Variants in MAN2C1 observed in about 807,000 individuals in gnomAD.
MAN2C1 encodes alpha-mannosidase 2C1.
A neutral mutation model predicts 126.9 loss-of-function variants in MAN2C1; 111 were observed. That is an observed-to-expected ratio of 0.87 (90% CI 0.75 to 1.02). The LOEUF (loss-of-function observed/expected upper bound fraction) is 1.02, where lower values mean the gene tolerates loss of function less well. Ranked by LOEUF, MAN2C1 falls within the 50% of genes least tolerant of loss-of-function variation. The probability of loss-of-function intolerance (pLI) is 0.00; values close to 1 mark genes in which losing one functional copy is unlikely to be tolerated. For synonymous variants in MAN2C1, 567 were observed against 561.5 expected, an observed-to-expected ratio of 1.01 and a Z score of -0.14; for missense variants, 1,363 against 1,364.4, an observed-to-expected ratio of 1.00 and a Z score of 0.02.
intron 2 of MAN2C1, 130 bp downstream of exon 2, chr15:75,367,943 C>G: frequency 8.0e-7 from 1 of 1,244,524 alleles, no homozygotes; most frequent in Non-Finnish European, 1.1e-6. Flanking sequence ...GGTGCTGCTC[C>G]CAGCAGAGGG....
chr15:75,360,125 G>A lies in MAN2C1; in HGVS notation c.1671C>T (p.Phe557=). 6.2e-7 allele frequency: 1 copy of A among 1,613,934 alleles called. No individual in the cohort carries two copies. Among genetic ancestry groups the A allele is most frequent in the Non-Finnish European group, 8.5e-7 (1 of 1,180,020 alleles). ...SSLALARSAQ[F]LYPAAQLQHL... is the part of the protein sequence containing the mutation. Reference sequence around the variant, plus strand: ...GCTGCAGCTGGGCTGCTGGGTATAGGAACTGGGCACTGCGGGCCAGGGCCA... The same window carrying A: ...GCTGCAGCTGGGCTGCTGGGTATAGAAACTGGGCACTGCGGGCCAGGGCCA... The change falls in exon 14 of 26, where the codon TTC becomes TTT. Residue 557 remains phenylalanine, a synonymous_variant. Transcript: ENST00000267978.
At position 75,358,671 on chromosome 15, in the gene MAN2C1, C is replaced by T. The variant is rs73436829; in HGVS notation, c.2246+33G>A. The stretch of plus-strand genomic sequence containing the variant: ...CCAGAGCAGCCTGTGTTCCCACCAC[C>T]TCCACCATCCCCACATGCTGCCCAG... On this transcript the variant is annotated intron_variant, in intron 19 of 25. Transcript: ENST00000267978. The T allele has an allele frequency of 1.2e-3, 1,929 of 1,612,696 alleles. 18 individuals are homozygous for T. In the African/African-American group the frequency reaches 0.021, roughly 18 times the overall value.
chr15:75,355,930 G>A lies in MAN2C1; in HGVS notation c.3099C>T (p.Leu1033=), dbSNP rs756309307. 31 of 1,614,026 alleles carry A rather than the reference G, an allele frequency of 1.9e-5. No individual in the cohort carries two copies. In the South Asian group the frequency reaches 2.3e-4, roughly 12 times the overall value. ...CTCAGTGTGGCGGAGGCTGAAGCAC[G>A]AGCAACAGGGACAGCACTTGGAAGG... ...FSPFQVLSLL[L]VLQPPPH is the part of the protein sequence containing the mutation. The change falls in exon 26 of 26, where the codon CTC becomes CTT. Residue 1033 remains leucine, a synonymous_variant. Transcript: ENST00000267978.
Position 75,356,664 on chromosome 15 carries a change from CGG to C in MAN2C1, c.2677_2678del (p.Pro893GlyfsTer5). On this transcript the variant is annotated frameshift_variant, in exon 23 of 26. Transcript: ENST00000267978. LOFTEE classifies it high-confidence loss of function. The surrounding 1 kb of genome is among the most constrained non-coding windows in gnomAD (Gnocchi z 5.8). ...SLSLLRAPKA[P>X]DATADTGRHE... is the part of the protein sequence containing the mutation. The stretch of plus-strand genomic sequence containing the variant: ...GGCGCCCCGTGTCAGCAGTAGCGTC[CGG>C]GGCTTTAGGCGCCCGCAAGCTGGGG... 1 of 1,585,608 alleles carries C rather than the reference CGG, an allele frequency of 6.3e-7. No individual in the cohort carries two copies. Among genetic ancestry groups the C allele is most frequent in the Non-Finnish European group, 8.6e-7 (1 of 1,166,374 alleles).
In MAN2C1 at chr15:75,361,146, G is replaced by A; in HGVS notation, c.1360C>T (p.His454Tyr). 6.2e-7 allele frequency: 1 copy of A among 1,613,396 alleles called. No homozygotes were observed. Among genetic ancestry groups the A allele is most frequent in the Admixed American group, 1.7e-5 (1 of 59,920 alleles). ...ANNRDKGRAN[H>Y]SAFLFGFGDG... is the part of the protein sequence containing the mutation. ...CCAAAGCCAAAGAGGAAGGCACTGT[G>A]GTTGGCCCGCCCCTTGTCCCGGTTG... The change falls in exon 12 of 26, where the codon CAC (histidine) becomes TAC (tyrosine). Residue 454 changes from histidine (H) to tyrosine (Y), a missense_variant. His to Tyr is a moderately conservative substitution (Grantham distance 83, BLOSUM62 2). This residue lies in a region of MAN2C1 where 628 missense variants were observed against 609.8 expected (regional missense o/e 1.03). Transcript: ENST00000267978. This position sits in a 1 kb window ranked among gnomAD's most constrained non-coding sequence, Gnocchi z 5.0.
rs1218914016 is a variant in MAN2C1, at chr15:75,367,508, C to T, written c.351+3G>A. 6.2e-7 allele frequency: 1 copy of T among 1,613,756 alleles called. No individual in the cohort carries two copies. The highest frequency in any genetic ancestry group is 2.2e-5 in the East Asian group (1 of 44,878). On this transcript the variant is annotated splice_donor_region_variant and intron_variant, in intron 3 of 25. Transcript: ENST00000267978. ...TACCTGGCCCTAGGACAGGGTTCCT[C>T]ACCTGGACAGGTTCTCCATCACGCC...
chr15:75,358,238 G>A lies in MAN2C1; in HGVS notation c.2510C>T (p.Thr837Ile). 1 of 1,614,202 alleles carries A rather than the reference G, an allele frequency of 6.2e-7. No individual in the cohort carries two copies. Among genetic ancestry groups the A allele is most frequent in the Non-Finnish European group, 8.5e-7 (1 of 1,180,036 alleles). Residue 837 changes from threonine (T) to isoleucine (I), a missense_variant, in exon 21 of 26, where the codon ACC becomes ATC. Coordinates refer to ENST00000267978, the MANE Select transcript of MAN2C1 (RefSeq NM_006715.4). ...CCAGTCCCAAGAGGTATTGTAGTGG[G>A]TAGGTCGCTGCAGGTGCCCAAACTG... ...EIQFGHLQRP[T>I]HYNTSWDWAR...
chr15:75,359,880 GGC>G, intron 15 of MAN2C1, 21 bp downstream of exon 15: 1 of 1,611,630 alleles, frequency 6.2e-7, no homozygotes, highest in Non-Finnish European at 8.5e-7. Flanking sequence ...GGAGAGAGCA[GGC>G]AGGACTATTG....
In MAN2C1 at chr15:75,362,244, G is replaced by T; in HGVS notation, c.1008+99C>A. 1 of 1,025,574 alleles carries T rather than the reference G, an allele frequency of 9.8e-7. No homozygotes were observed. The highest frequency in any genetic ancestry group is 1.5e-6 in the Non-Finnish European group (1 of 674,126). 63.5% of individuals were successfully genotyped at this position (1,025,574 alleles called of 1,614,324 possible). A position where few individuals can be genotyped will look rare whatever the true frequency, so the allele number is the denominator to read the frequency against. ...GCCCTGCCACACAGCGGGGATGAGT[G>T]GCCCGTGGAAACTCACCAGCAAAGC... is the stretch of plus-strand genomic sequence containing the variant. On this transcript the variant is annotated intron_variant, in intron 8 of 25. Coordinates refer to ENST00000267978, the MANE Select transcript of MAN2C1 (RefSeq NM_006715.4). This position sits in a 1 kb window ranked among gnomAD's most constrained non-coding sequence, Gnocchi z 4.5.
chr15:75,361,877 T>C lies in MAN2C1; in HGVS notation c.1079A>G (p.Glu360Gly). ...FLQGQNFFLQ[E>G]FGKMCSEFWL... ...TACCTCAGAGCACATCTTCCCAAAC[T>C]CCTGCAGAAAGAAGTTCTGGCCCTG... The change falls in exon 9 of 26, where the codon GAG becomes GGG. Residue 360 changes from glutamate (E) to glycine (G), a missense_variant. Transcript: ENST00000267978. This position sits in a 1 kb window ranked among gnomAD's most constrained non-coding sequence, Gnocchi z 5.0. 1.2e-6 allele frequency: 2 copies of C among 1,613,980 alleles called. No individual in the cohort carries two copies. The highest frequency in any genetic ancestry group is 1.7e-6 in the Non-Finnish European group (2 of 1,180,002).
rs1323851717 is a variant in MAN2C1, at chr15:75,361,682, G to A, written c.1140C>T (p.Leu380=). ...TGCCACAGCCGTGCATGATCTGGGG[G>A]AGCTGTGCTGAGTAGCCAAAGGTGT... The part of the protein sequence containing the change: ...LPDTFGYSAQ[L]PQIMHGCGIR... Residue 380 remains leucine, a synonymous_variant, in exon 10 of 26, where the codon CTC becomes CTT. Transcript: ENST00000267978. This position sits in a 1 kb window ranked among gnomAD's most constrained non-coding sequence, Gnocchi z 5.0. 1 of 1,614,026 alleles carries A rather than the reference G, an allele frequency of 6.2e-7. No homozygotes were observed. Among genetic ancestry groups the A allele is most frequent in the Admixed American group, 1.7e-5 (1 of 60,032 alleles).
rs2072484696 is a variant in MAN2C1 at position 75,362,244 on chromosome 15, G to A, written c.1008+99C>T. On this transcript the variant is annotated intron_variant, in intron 8 of 25. Transcript: ENST00000267978. The surrounding 1 kb of genome is among the most constrained non-coding windows in gnomAD (Gnocchi z 4.5). ...GCCCTGCCACACAGCGGGGATGAGT[G>A]GCCCGTGGAAACTCACCAGCAAAGC... The A allele has an allele frequency of 2.0e-6, 2 of 1,025,458 alleles. No individual in the cohort carries two copies. Among genetic ancestry groups the A allele is most frequent in the South Asian group, 2.8e-5 (2 of 71,792 alleles). The allele number at this position is 1,025,458 out of a possible 1,614,324, so 63.5% of individuals were successfully genotyped here.
rs761903939 is a variant in MAN2C1, at chr15:75,361,038, G to A, written c.1460+8C>T. On this transcript the variant is annotated splice_region_variant and intron_variant, in intron 12 of 25. Coordinates refer to ENST00000267978, the MANE Select transcript of MAN2C1 (RefSeq NM_006715.4). This position sits in a 1 kb window ranked among gnomAD's most constrained non-coding sequence, Gnocchi z 5.0. ...TGGGGCTAAAGGAGAGCCAAGGCCT[G>A]GCCTGACCTGGGCAGCCCATCCGTA... 8.5e-5 allele frequency: 137 copies of A among 1,605,946 alleles called. No individual in the cohort carries two copies. The highest frequency in any genetic ancestry group is 1.9e-4 in the African/African-American group (14 of 74,850).
At chr15:75,364,731 G>C in intron 4 of MAN2C1, 66 bp from the exon 5 acceptor site, 3 of 1,434,054 alleles carry the variant, frequency 2.1e-6, no homozygotes, top group Non-Finnish European at 2.8e-6. Flanking sequence ...CTTGGGGAAG[G>C]GGCACCCAGG....
rs1371834392 is a variant in MAN2C1, at chr15:75,356,691, G to C, written c.2658-6C>G. ...GGGCTTTAGGCGCCCGCAAGCTGGG[G>C]TGAGGAGGGCGCGTAGGGGCCACGC... On this transcript the variant is annotated splice_region_variant and splice_polypyrimidine_tract_variant and intron_variant, in intron 22 of 25. Transcript: ENST00000267978. The surrounding 1 kb of genome is among the most constrained non-coding windows in gnomAD (Gnocchi z 5.8). The C allele has an allele frequency of 1.2e-6, 2 of 1,602,164 alleles. No individual in the cohort carries two copies. Among genetic ancestry groups the C allele is most frequent in the South Asian group, 1.1e-5 (1 of 89,804 alleles).
Position 75,362,023 on chromosome 15 carries a change from T to A in MAN2C1, c.1009-76A>T, listed in dbSNP as rs1035934864. On this transcript the variant is annotated intron_variant, in intron 8 of 25. Coordinates refer to ENST00000267978, the MANE Select transcript of MAN2C1 (RefSeq NM_006715.4). This position sits in a 1 kb window ranked among gnomAD's most constrained non-coding sequence, Gnocchi z 4.5. Reference sequence around the variant, plus strand: ...CAGGCAGGCGCTCAGGCCAACCCAATCCCTGCAGGAGAAGCCAGGGCTGCT... The same window carrying A: ...CAGGCAGGCGCTCAGGCCAACCCAAACCCTGCAGGAGAAGCCAGGGCTGCT... 6 of 1,109,596 alleles carry A rather than the reference T, an allele frequency of 5.4e-6. No homozygotes were observed. The highest frequency in any genetic ancestry group is 8.2e-6 in the Non-Finnish European group (6 of 727,634). The allele number at this position is 1,109,596 out of a possible 1,614,324, so 68.7% of individuals were successfully genotyped here. A position where few individuals can be genotyped will look rare whatever the true frequency, so the allele number is the denominator to read the frequency against.
At chr15:75,367,696 G>C in intron 2 of MAN2C1, 62 bp from the exon 3 acceptor site, 2 of 1,596,884 alleles carry the variant, frequency 1.3e-6, no homozygotes, top group Non-Finnish European at 8.6e-7. Context: ...TCCTTCCTTG[G>C]ATAAAGTGTC....
chr15:75,367,412 C>T, intron 3 of MAN2C1, 99 bp downstream of exon 3: 1 of 1,476,308 alleles, frequency 6.8e-7, no homozygotes, highest in Non-Finnish European at 9.2e-7. Context: ...GTGGGCAGAG[C>T]AACTCAGCTG....
Position 75,366,500 on chromosome 15 carries a change from C to A in MAN2C1, c.422+22G>T. ...GTACTCCCTCCCTGACAGCACTGGT[C>A]AACCAGGGCACAGGGACTCACCTTC... is the stretch of plus-strand genomic sequence containing the variant. On this transcript the variant is annotated intron_variant, in intron 4 of 25. Transcript: ENST00000267978. 2.5e-6 allele frequency: 4 copies of A among 1,608,998 alleles called. No individual in the cohort carries two copies. The South Asian group carries it at 4.4e-5, about 18-fold the overall frequency.
Sources: allele counts gnomAD v4.1 joint callset, GRCh38; gene constraint gnomAD v4.1.1; regional missense constraint gnomAD v4.1.1; non-coding constraint Gnocchi (gnomAD v3.1); transcripts MANE v1.5; gene names NCBI Gene and HGNC (gene_info 2026-07-23, HGNC 2026-07-21).